Variants in PLCB4 observed in about 807,000 individuals in gnomAD.
PLCB4 encodes the protein phospholipase C beta 4.
A neutral mutation model predicts 178.8 loss-of-function variants in PLCB4; 77 were observed. The ratio of observed to expected loss-of-function variants is 0.43; its 90% CI spans 0.36 to 0.52. PLCB4 has a LOEUF of 0.52. Among genes scored for constraint, PLCB4 ranks in the 20% least tolerant of loss-of-function variants. PLCB4 has a pLI of 0.00. For missense variants in PLCB4, 1,024 were observed against 1,453.4 expected, an observed-to-expected ratio of 0.70 and a Z score of 4.80; for synonymous variants, 496 against 490.8, an observed-to-expected ratio of 1.01 and a Z score of -0.14.
intron 19 of PLCB4, among the ~76,000 whole-genome samples, chr20:9,396,547 G>T (rs2038599652): frequency 6.6e-6 from 1 of 152,176 alleles, no homozygotes; most frequent in Non-Finnish European, 1.5e-5. Flanking sequence ...TGGGTCATTT[G>T]AGAGTTTGGG....
At chr20:9,445,736 A>G (rs1173396510) in intron 32 of PLCB4, among the ~76,000 whole-genome samples, 2 of 152,246 alleles carry the variant, frequency 1.3e-5, no homozygotes, top group Admixed American at 6.5e-5. Flanking sequence ...AGACAGAACA[A>G]TTTAAAGTAG....
At position 9,312,397 on chromosome 20, in the gene PLCB4, C is replaced by CAT. The variant is rs57947190; in HGVS notation, c.84+4499_84+4500insAT. 4.0e-5 allele frequency among the ~76,000 whole-genome samples: 6 copies of CAT among 149,464 alleles called. No individual in the cohort carries two copies. In the South Asian group the frequency reaches 1.3e-3, roughly 32 times the overall value. ...ACACACACACACACACACACACACA[C>CAT]GCACGCACTCACACACACGTGGTGG... On this transcript the variant is annotated intron_variant, in intron 4 of 39. Transcript: ENST00000378473.
intron 2 of PLCB4, among the ~76,000 whole-genome samples, chr20:9,122,676 G>A (rs145746482): frequency 2.6e-5 from 4 of 152,154 alleles, no homozygotes; most frequent in Admixed American, 2.0e-4. Flanking sequence ...TAAAAATCAC[G>A]CGCATGTAAA....
At chr20:9,166,911 A>G (rs2147011956) in intron 2 of PLCB4, among the ~76,000 whole-genome samples, 1 of 152,188 alleles carries the variant, frequency 6.6e-6, no homozygotes, top group South Asian at 2.1e-4. Context: ...TGTTATATTT[A>G]TTATTACTTT....
At chr20:9,201,674 A>G (rs1199669647) in intron 2 of PLCB4, among the ~76,000 whole-genome samples, 2 of 152,236 alleles carry the variant, frequency 1.3e-5, no homozygotes, top group African/African-American at 2.4e-5. Context: ...TTTAAAAATC[A>G]CAATGAGATA....
At chr20:9,444,568 G>A (rs960485688) in intron 32 of PLCB4, among the ~76,000 whole-genome samples, 5 of 152,132 alleles carry the variant, frequency 3.3e-5, no homozygotes, top group African/African-American at 1.2e-4. Context: ...TTTGAGACCA[G>A]CCTGACCAAC....
At chr20:9,217,281 G>A (rs769253694) in intron 2 of PLCB4, 109 bp from the exon 3 acceptor site, 15 of 152,150 alleles carry the variant, frequency 9.9e-5, no homozygotes, top group South Asian at 2.1e-4. Context: ...TTTTTCTGAC[G>A]TTTTTAAATT....
At chr20:9,472,924 T>C in intron 37 of PLCB4, 77 bp downstream of exon 37, 2 of 751,480 alleles carry the variant, frequency 2.7e-6, no homozygotes, top group South Asian at 1.7e-5. Flanking sequence ...ACCAGATCTC[T>C]AGCTAATTTG....
chr20:9,267,074 T>C (rs891221932), intron 3 of PLCB4, among the ~76,000 whole-genome samples: 4 of 152,168 alleles, frequency 2.6e-5, no homozygotes, highest in African/African-American at 9.6e-5. Flanking sequence ...TATTCTTATG[T>C]AGCAACTTTT....
At chr20:9,315,052 A>C (rs1047601890) in intron 4 of PLCB4, among the ~76,000 whole-genome samples, 1 of 152,090 alleles carries the variant, frequency 6.6e-6, no homozygotes, top group Non-Finnish European at 1.5e-5. Context: ...TTGTATTTTT[A>C]GTAGAGATGT....
At chr20:9,234,177 T>C (rs2147368333) in intron 3 of PLCB4, among the ~76,000 whole-genome samples, 1 of 152,102 alleles carries the variant, frequency 6.6e-6, no homozygotes, top group Admixed American at 6.5e-5. Context: ...AGGTAGGAAA[T>C]TTACTGAGAT....
At chr20:9,129,919 A>G (rs1299699017) in intron 2 of PLCB4, among the ~76,000 whole-genome samples, 4 of 152,060 alleles carry the variant, frequency 2.6e-5, no homozygotes, top group Non-Finnish European at 5.9e-5. Flanking sequence ...TTTTCTATAT[A>G]TAGATTCTTG....
rs975388400 is a variant in PLCB4, at chr20:9,372,214, G to C, written c.586-89G>C. ...GAGATGAAGACCCTGAGTCCAAGTG[G>C]TCTTCACTGTGCTTCATGACCCTGT... On this transcript the variant is annotated intron_variant, in intron 10 of 39. Transcript: ENST00000378473. The C allele has an allele frequency of 5.2e-5, 38 of 725,278 alleles. No individual in the cohort carries two copies. In the Middle Eastern group the frequency reaches 7.3e-4, roughly 14 times the overall value. 44.9% of individuals were successfully genotyped at this position (725,278 alleles called of 1,614,324 possible).
chr20:9,123,829 T>C (rs897749600), intron 2 of PLCB4, among the ~76,000 whole-genome samples: 2 of 151,874 alleles, frequency 1.3e-5, no homozygotes, highest in African/African-American at 4.8e-5. Flanking sequence ...CAGATCTATG[T>C]TGTATGTAGC....
At chr20:9,429,020 G>C (rs978856041) in intron 28 of PLCB4, among the ~76,000 whole-genome samples, 5 of 152,174 alleles carry the variant, frequency 3.3e-5, no homozygotes, top group African/African-American at 1.2e-4. Context: ...TACATGGAGA[G>C]TCTTTACTAG....
At chr20:9,364,724 C>T (rs1480220715) in intron 8 of PLCB4, among the ~76,000 whole-genome samples, 1 of 152,214 alleles carries the variant, frequency 6.6e-6, no homozygotes, top group African/African-American at 2.4e-5. Flanking sequence ...TTTACTAAAT[C>T]ATCATGTTCT....
chr20:9,427,518 A>G (rs1307904544), intron 28 of PLCB4, among the ~76,000 whole-genome samples: 1 of 152,182 alleles, frequency 6.6e-6, no homozygotes, highest in Non-Finnish European at 1.5e-5. Context: ...GAAGTACTAG[A>G]TTGGGTGCTA....
At chr20:9,398,937 C>T (rs921526833) in intron 19 of PLCB4, among the ~76,000 whole-genome samples, 4 of 152,096 alleles carry the variant, frequency 2.6e-5, no homozygotes, top group East Asian at 3.9e-4. Flanking sequence ...GACTTTTGTA[C>T]GTTACAGTAC....
chr20:9,151,101 G>A (rs746771227), intron 2 of PLCB4, among the ~76,000 whole-genome samples: 5 of 152,056 alleles, frequency 3.3e-5, no homozygotes, highest in Non-Finnish European at 5.9e-5. Flanking sequence ...AGCTCGGATA[G>A]AAAATATTCA....
Sources: allele counts gnomAD v4.1 joint callset (sites outside exome capture counted in the v4.1 genomes callset), GRCh38; gene constraint gnomAD v4.1.1; transcripts MANE v1.5; gene names NCBI Gene and HGNC (gene_info 2026-07-23, HGNC 2026-07-21).